HFM1: variants seen among roughly 807,000 people sequenced by gnomAD.
HFM1 encodes probable ATP-dependent DNA helicase HFM1.
A neutral mutation model predicts 192.1 loss-of-function variants in HFM1; 169 were observed. The ratio of observed to expected loss-of-function variants is 0.88; its 90% confidence interval spans 0.78 to 1.00. The LOEUF is 1.00. Ranked by LOEUF, HFM1 falls within the 50% of genes least tolerant of loss-of-function variation. The pLI, the probability that HFM1 is intolerant of heterozygous loss-of-function variation, is 0.00. For synonymous variants in HFM1, 525 were observed against 537.8 expected, an observed-to-expected ratio of 0.98 and a Z score of 0.33; for missense variants, 1,661 against 1,668.0, an observed-to-expected ratio of 1.00 and a Z score of 0.07.
At chr1:91,293,433 A>G (rs1098480) in intron 30 of HFM1, among the ~76,000 whole-genome samples, 54,861 of 151,616 alleles carry the variant, frequency 0.36, 10,512 homozygotes, top group East Asian at 0.53. Flanking sequence ...ATGCAGCCAA[A>G]AAACACATGA....
chr1:91,264,016 C>T (rs1000153022), intron 36 of HFM1, among the ~76,000 whole-genome samples: 1 of 152,064 alleles, frequency 6.6e-6, no homozygotes. Flanking sequence ...TGGTTATATC[C>T]GTTTATTCTA....
intron 30 of HFM1, among the ~76,000 whole-genome samples, chr1:91,291,183 T>A (rs990133088): frequency 6.6e-6 from 1 of 151,566 alleles, no homozygotes; most frequent in African/African-American, 2.4e-5. Flanking sequence ...CTAGCAGAAG[T>A]CAAGAAATAA....
At position 91,323,526 on chromosome 1, in the gene HFM1, C is replaced by T. The variant is rs540753805; in HGVS notation, c.2428-327G>A. Among the ~76,000 whole-genome samples, 10 of 152,268 alleles carry T rather than the reference C, an allele frequency of 6.6e-5. No homozygotes were observed. In the South Asian group the frequency reaches 1.4e-3, roughly 22 times the overall value. On this transcript the variant is annotated intron_variant, in intron 21 of 38. Transcript: ENST00000370425. The stretch of plus-strand genomic sequence containing the variant: ...GTAATAAATAAGTCCTCAATAAACA[C>T]TGTTTTTGTTACTCCTACTCCTAAT...
rs1179383204 is a variant in HFM1 at position 91,385,956 on chromosome 1, A to C, written c.495-122T>G. ...TAGATTATGGTTTACTCAAACAAAA[A>C]AGCTAAACATTCTCCTAAAATATAA... On this transcript the variant is annotated intron_variant, in intron 4 of 38. Coordinates refer to ENST00000370425, the MANE Select transcript of HFM1 (RefSeq NM_001017975.6). The C allele has an allele frequency of 5.5e-6, 4 of 728,372 alleles. No individual in the cohort carries two copies. In the African/African-American group the frequency reaches 7.1e-5, roughly 13 times the overall value. The allele number at this position is 728,372 out of a possible 1,614,324, so 45.1% of individuals were successfully genotyped here.
chr1:91,303,170 A>G (rs896273452), intron 30 of HFM1, among the ~76,000 whole-genome samples: 1 of 152,182 alleles, frequency 6.6e-6, no homozygotes, highest in East Asian at 1.9e-4. Flanking sequence ...ATTATTAGTC[A>G]TTCCTCATTT....
Position 91,399,386 on chromosome 1 carries a change from C to T in HFM1, c.71+1626G>A, listed in dbSNP as rs536743484. 2.6e-5 allele frequency among the ~76,000 whole-genome samples: 4 copies of T among 152,240 alleles called. No individual in the cohort carries two copies. The South Asian group carries it at 6.2e-4, about 24-fold the overall frequency. ...GATTATACCTACAGTTTTATTTTTA[C>T]GTCCATTTACATCAGCAGTACTTAG... On this transcript the variant is annotated intron_variant, in intron 2 of 38. Coordinates refer to ENST00000370425, the MANE Select transcript of HFM1 (RefSeq NM_001017975.6).
At chr1:91,353,652 C>CCAAAAAAAAAAAAAAAAAAAAAAA (rs1553213573) in intron 13 of HFM1, among the ~76,000 whole-genome samples, 1 of 65,428 alleles carries the variant, frequency 1.5e-5, no homozygotes, top group Non-Finnish European at 3.2e-5. Context: ...AGTAAATAAG[C>CCAAAAAAAAAAAAAAAAAAAAAAA]AAAAAAAAAA....
At chr1:91,318,301 C>T (rs1651564110) in intron 25 of HFM1, among the ~76,000 whole-genome samples, 1 of 152,088 alleles carries the variant, frequency 6.6e-6, no homozygotes, top group Non-Finnish European at 1.5e-5. Flanking sequence ...AAAGGTAGGT[C>T]TTCTTCATAA....
At chr1:91,271,486 C>G (rs1421800311) in intron 34 of HFM1, among the ~76,000 whole-genome samples, 2 of 151,862 alleles carry the variant, frequency 1.3e-5, no homozygotes, top group Non-Finnish European at 2.9e-5. Context: ...TGACCAGAAG[C>G]TGAAGAAGGA....
intron 30 of HFM1, among the ~76,000 whole-genome samples, chr1:91,288,081 A>G (rs1668231688): frequency 6.6e-6 from 1 of 151,642 alleles, no homozygotes. Context: ...CAAGTTGGAA[A>G]ACACTCTGCA....
intron 30 of HFM1, among the ~76,000 whole-genome samples, chr1:91,289,686 C>T (rs1009323452): frequency 6.6e-6 from 1 of 152,092 alleles, no homozygotes; most frequent in African/African-American, 2.4e-5. Context: ...ACAGCGAAAC[C>T]CCGTCTCTAC....
At chr1:91,297,007 G>A (rs1647710611) in intron 30 of HFM1, among the ~76,000 whole-genome samples, 1 of 152,214 alleles carries the variant, frequency 6.6e-6, no homozygotes, top group African/African-American at 2.4e-5. Flanking sequence ...GCCTCACCCG[G>A]GAAGCACAAG....
intron 13 of HFM1, among the ~76,000 whole-genome samples, chr1:91,370,462 G>T (rs570727718): frequency 1.1e-4 from 16 of 152,234 alleles, no homozygotes; most frequent in African/African-American, 3.6e-4. Context: ...ACGTAATCCA[G>T]CATATAAACA....
intron 4 of HFM1, among the ~76,000 whole-genome samples, chr1:91,390,809 C>G (rs1662884934): frequency 6.6e-6 from 1 of 152,134 alleles, no homozygotes; most frequent in Non-Finnish European, 1.5e-5. Flanking sequence ...AAGAGGAAGT[C>G]AAATTGTCCC....
At chr1:91,294,073 T>G (rs1239540907) in intron 30 of HFM1, among the ~76,000 whole-genome samples, 1 of 147,710 alleles carries the variant, frequency 6.8e-6, no homozygotes, top group African/African-American at 2.5e-5. Flanking sequence ...GGGGAAGGGA[T>G]AGCATTGGGA....
chr1:91,381,735 AAAG>A (rs1661569896), intron 6 of HFM1, among the ~76,000 whole-genome samples: 1 of 152,192 alleles, frequency 6.6e-6, no homozygotes, highest in Non-Finnish European at 1.5e-5. Context: ...AGCTATAAAT[AAAG>A]AAGAAAATGA....
intron 4 of HFM1, among the ~76,000 whole-genome samples, chr1:91,390,385 A>G (rs895837684): frequency 1.3e-5 from 2 of 151,562 alleles, no homozygotes; most frequent in African/African-American, 4.9e-5. Context: ...GTAGCGAACC[A>G]AGATCACACC....
chr1:91,332,094 GA>G (rs372031377), intron 20 of HFM1, among the ~76,000 whole-genome samples: 9 of 150,334 alleles, frequency 6.0e-5, no homozygotes, highest in East Asian at 1.9e-4. Flanking sequence ...CACAGAAAGG[GA>G]AAAAAAAATC....
At chr1:91,308,130 G>C (rs1649912501) in intron 30 of HFM1, among the ~76,000 whole-genome samples, 1 of 152,156 alleles carries the variant, frequency 6.6e-6, no homozygotes, top group Non-Finnish European at 1.5e-5. Flanking sequence ...CTGTTGGTTG[G>C]TGTCTTTTAT....
Sources: gnomAD v4.1 joint callset for allele counts (sites outside exome capture counted in the v4.1 genomes callset) on GRCh38, gnomAD v4.1.1 for gene constraint, MANE v1.5 for transcripts, NCBI Gene and HGNC (gene_info 2026-07-23, HGNC 2026-07-21) for gene names.